Variants in PLEKHA5 observed in about 807,000 individuals in gnomAD.
PLEKHA5 encodes pleckstrin homology domain-containing family A member 5.
In PLEKHA5, 55 loss-of-function variants were observed where a neutral mutation model predicts 181.9. The observed-to-expected ratio is 0.30, with a 90% confidence interval of 0.24 to 0.38. The LOEUF (loss-of-function observed/expected upper bound fraction) is 0.38, where lower values mean the gene tolerates loss of function less well. Ranked by LOEUF, PLEKHA5 falls within the 10% of genes least tolerant of loss-of-function variation. PLEKHA5 has a pLI of 1.00. For missense variants in PLEKHA5, 1,432 were observed against 1,549.5 expected (o/e 0.92, Z 1.27); for synonymous variants, 535 against 529.4 (o/e 1.01, Z -0.15).
chr12:19,322,411 GTC>G lies in PLEKHA5; in HGVS notation c.2298+23_2298+24del, dbSNP rs765395129. 3.0e-5 allele frequency: 47 copies of G among 1,586,700 alleles called. No homozygotes were observed. The African/African-American group carries it at 6.1e-4, about 20-fold the overall frequency. On this transcript the variant is annotated intron_variant, in intron 19 of 31. Coordinates refer to ENST00000429027, the MANE Select transcript of PLEKHA5 (RefSeq NM_001256470.2). ...AGAAAGTAGGACAATTATGTTTATTGTCTACAATTGATGTTACTTAATATGAT... is the reference window on the plus strand; with the variant it reads ...AGAAAGTAGGACAATTATGTTTATTGTACAATTGATGTTACTTAATATGAT...
intron 12 of PLEKHA5, among the ~76,000 whole-genome samples, chr12:19,284,861 A>C (rs2076901958): frequency 6.6e-6 from 1 of 152,138 alleles, no homozygotes; most frequent in African/African-American, 2.4e-5. Flanking sequence ...TGAACATGGA[A>C]GGTTGAGGCT....
intron 3 of PLEKHA5, among the ~76,000 whole-genome samples, chr12:19,215,807 T>A (rs998796248): frequency 3.3e-5 from 5 of 152,196 alleles, no homozygotes; most frequent in African/African-American, 9.7e-5. Flanking sequence ...GCTTTCTGAC[T>A]AAATTTGTGT....
At chr12:19,342,518 T>C (rs1214045969) in intron 21 of PLEKHA5, among the ~76,000 whole-genome samples, 1 of 152,088 alleles carries the variant, frequency 6.6e-6, no homozygotes, top group Non-Finnish European at 1.5e-5. Context: ...TAGCCGGGTG[T>C]GGTGGCACAT....
chr12:19,199,353 A>T (rs1055606868), intron 3 of PLEKHA5, among the ~76,000 whole-genome samples: 1 of 152,176 alleles, frequency 6.6e-6, no homozygotes, highest in Admixed American at 6.6e-5. Context: ...ATCTTTTATC[A>T]ACAACATGTA....
chr12:19,198,512 A>G (rs2053470497), intron 3 of PLEKHA5, among the ~76,000 whole-genome samples: 1 of 152,014 alleles, frequency 6.6e-6, no homozygotes, highest in Non-Finnish European at 1.5e-5. Flanking sequence ...CCACTATCTC[A>G]TGTAGTCTTT....
At chr12:19,147,719 A>G (rs1040248688) in intron 3 of PLEKHA5, among the ~76,000 whole-genome samples, 16 of 151,942 alleles carry the variant, frequency 1.1e-4, no homozygotes, top group African/African-American at 3.9e-4. Flanking sequence ...CAACTGTATA[A>G]TTAAACAGGT....
At position 19,301,099 on chromosome 12, in the gene PLEKHA5, G is replaced by A. The variant is rs142494757; in HGVS notation, c.2037+9402G>A. ...CAGGAGGCGGAGGTCATGGTGAGCC[G>A]AGATCGCGCCATTGCATTCCAGCCT... On this transcript the variant is annotated intron_variant, in intron 15 of 31. Coordinates refer to ENST00000429027, the MANE Select transcript of PLEKHA5 (RefSeq NM_001256470.2). Among the ~76,000 whole-genome samples the A allele has an allele frequency of 2.7e-3, 417 of 152,146 alleles. 2 individuals are homozygous for A. The highest frequency in any genetic ancestry group is 9.6e-3 in the African/African-American group (400 of 41,502).
chr12:19,154,640 A>G (rs2041253758), intron 3 of PLEKHA5: 1 of 152,226 alleles, frequency 6.6e-6, no homozygotes, highest in African/African-American at 2.4e-5. Flanking sequence ...AAATATGCTA[A>G]TTAAATGCCT....
intron 3 of PLEKHA5, among the ~76,000 whole-genome samples, chr12:19,203,106 G>T (rs969254502): frequency 2.0e-5 from 3 of 152,070 alleles, no homozygotes; most frequent in African/African-American, 7.2e-5. Flanking sequence ...ATTACAAGAT[G>T]ATCTCAATTT....
At chr12:19,197,156 C>T (rs1409205569) in intron 3 of PLEKHA5, among the ~76,000 whole-genome samples, 2 of 152,136 alleles carry the variant, frequency 1.3e-5, no homozygotes, top group African/African-American at 4.8e-5. Flanking sequence ...CGTTCAGCAT[C>T]GTTGAGCCTT....
At chr12:19,304,835 C>T (rs1454025832) in intron 15 of PLEKHA5, among the ~76,000 whole-genome samples, 1 of 151,954 alleles carries the variant, frequency 6.6e-6, no homozygotes, top group Non-Finnish European at 1.5e-5. Context: ...TGCCTCATGC[C>T]TGTAATCCTA....
intron 16 of PLEKHA5, among the ~76,000 whole-genome samples, chr12:19,316,557 A>G (rs896260987): frequency 3.9e-5 from 6 of 152,210 alleles, no homozygotes; most frequent in Non-Finnish European, 7.3e-5. Context: ...AAAATTGTAT[A>G]GAACAGAAAG....
intron 20 of PLEKHA5, among the ~76,000 whole-genome samples, chr12:19,332,898 C>T (rs542583478): frequency 5.1e-4 from 78 of 152,258 alleles, no homozygotes; most frequent in African/African-American, 1.7e-3. Flanking sequence ...TCAAGCGATC[C>T]GTCCATCTCG....
In PLEKHA5 at chr12:19,283,417, C is replaced by T. The variant is rs924397614; in HGVS notation, c.1451C>T (p.Ser484Phe). ...RPESICSVTP[S>F]THDKTLGPGA... ...GAAAGTATCTGCAGTGTAACCCCTT[C>T]CACTCATGACAAGACATTAGGACCC... The change falls in exon 12 of 32, where the codon TCC becomes TTC. Residue 484 changes from serine (S) to phenylalanine (F), a missense_variant. By Grantham distance (155) the Ser-to-Phe change is radical. Coordinates refer to ENST00000429027, the MANE Select transcript of PLEKHA5 (RefSeq NM_001256470.2). 6.2e-7 allele frequency: 1 copy of T among 1,613,976 alleles called. No homozygotes were observed. Among genetic ancestry groups the T allele is most frequent in the African/African-American group, 1.3e-5 (1 of 75,000 alleles).
At chr12:19,367,646 C>G (rs974400759) in intron 30 of PLEKHA5, among the ~76,000 whole-genome samples, 2 of 151,894 alleles carry the variant, frequency 1.3e-5, no homozygotes, top group Non-Finnish European at 2.9e-5. Flanking sequence ...GTGGCGCGAT[C>G]TCCACTCACT....
chr12:19,186,696 C>T (rs2049938172), intron 3 of PLEKHA5, among the ~76,000 whole-genome samples: 1 of 152,048 alleles, frequency 6.6e-6, no homozygotes. Flanking sequence ...TTGCTTTCTT[C>T]CTTTTTTAGA....
At chr12:19,238,085 T>C (rs1490170082) in intron 3 of PLEKHA5, among the ~76,000 whole-genome samples, 1 of 152,060 alleles carries the variant, frequency 6.6e-6, no homozygotes, top group Non-Finnish European at 1.5e-5. Context: ...CCAAAGTTTT[T>C]TCTTAAAGAA....
rs573034918 is a variant in PLEKHA5, at chr12:19,216,650, G to C, written c.228-37290G>C. Among the ~76,000 whole-genome samples, 11 of 148,094 alleles carry C rather than the reference G, an allele frequency of 7.4e-5. No individual in the cohort carries two copies. The East Asian group carries it at 1.8e-3, about 24-fold the overall frequency. On this transcript the variant is annotated intron_variant, in intron 3 of 31. Transcript: ENST00000429027. ...TGCACTCCAGCCTGGGTGACAGAGC[G>C]AGAATCCATCTCAAAAAAAAAAAAA...
chr12:19,251,719 T>A (rs966363347), intron 3 of PLEKHA5, among the ~76,000 whole-genome samples: 3 of 133,684 alleles, frequency 2.2e-5, no homozygotes, highest in African/African-American at 8.6e-5. Context: ...ATTCTCTTGA[T>A]CTGAATTTTG....
Sources: allele counts gnomAD v4.1 joint callset (sites outside exome capture counted in the v4.1 genomes callset), GRCh38; gene constraint gnomAD v4.1.1; transcripts MANE v1.5; gene names NCBI Gene and HGNC (gene_info 2026-07-23, HGNC 2026-07-21).